RIMBP2: variants seen among roughly 807,000 people sequenced by gnomAD.
RIMBP2 encodes the protein RIMS-binding protein 2.
Under a neutral mutation model 118.6 loss-of-function variants are expected in RIMBP2, and 48 were observed. That is an observed-to-expected ratio of 0.40 (90% CI 0.32 to 0.51). RIMBP2 has a LOEUF of 0.51. Ranked by LOEUF, RIMBP2 falls within the 20% of genes least tolerant of loss-of-function variation. The pLI is 0.41. For missense variants in RIMBP2, 1,551 were observed against 1,768.3 expected, an observed-to-expected ratio of 0.88 and a Z score of 2.20; for synonymous variants, 762 against 742.9, an observed-to-expected ratio of 1.03 and a Z score of -0.42.
chr12:130,569,148 C>T (rs1392123090), intron 2 of RIMBP2, among the ~76,000 whole-genome samples: 2 of 152,192 alleles, frequency 1.3e-5, no homozygotes, highest in Admixed American at 6.5e-5. Context: ...CCACACACTG[C>T]TAGTCCAGGA....
chr12:130,447,586 T>G lies in RIMBP2; in HGVS notation c.582-2317A>C, dbSNP rs1047839573. 6.6e-6 allele frequency among the ~76,000 whole-genome samples: 1 copy of G among 151,862 alleles called. No homozygotes were observed. Among genetic ancestry groups the G allele is most frequent in the African/African-American group, 2.4e-5 (1 of 41,298 alleles). ...ATGGGAATGGGTTCTTGAGGGGCGATGGGAGACCCCCACATGTGGCCGTGG... is the reference window on the plus strand; with the variant it reads ...ATGGGAATGGGTTCTTGAGGGGCGAGGGGAGACCCCCACATGTGGCCGTGG... On this transcript the variant is annotated intron_variant, in intron 9 of 22. Coordinates refer to ENST00000690449, the MANE Select transcript of RIMBP2 (RefSeq NM_001393629.1). The surrounding 1 kb of genome is among the most constrained non-coding windows in gnomAD (Gnocchi z 4.4).
intron 1 of RIMBP2, among the ~76,000 whole-genome samples, chr12:130,646,079 C>T (rs1322245227): frequency 7.3e-6 from 1 of 136,340 alleles, no homozygotes; most frequent in Admixed American, 7.6e-5. Flanking sequence ...CTCCACCTCC[C>T]TCACCACTTC....
chr12:130,558,218 A>T (rs1427091520), intron 2 of RIMBP2, among the ~76,000 whole-genome samples: 2 of 152,166 alleles, frequency 1.3e-5, no homozygotes, highest in Non-Finnish European at 2.9e-5. Context: ...AGCTGACAGC[A>T]TCCACTCAAG....
intron 1 of RIMBP2, among the ~76,000 whole-genome samples, chr12:130,690,099 C>T (rs1419172687): frequency 6.6e-6 from 1 of 152,242 alleles, no homozygotes; most frequent in Non-Finnish European, 1.5e-5. Flanking sequence ...TCTTCAAAGT[C>T]AGCAAGGGCG....
At chr12:130,522,509 T>C (rs1349079014) in intron 2 of RIMBP2, among the ~76,000 whole-genome samples, 2 of 152,156 alleles carry the variant, frequency 1.3e-5, no homozygotes, top group African/African-American at 4.8e-5. Context: ...ATCCAAAACA[T>C]CCCTGTTTGG....
intron 1 of RIMBP2, among the ~76,000 whole-genome samples, chr12:130,714,574 G>A (rs764364590): frequency 2.1e-4 from 32 of 152,224 alleles, no homozygotes; most frequent in Non-Finnish European, 3.8e-4. Context: ...CTCTAGGAAG[G>A]GGCACGGGGG....
intron 4 of RIMBP2, among the ~76,000 whole-genome samples, chr12:130,483,628 A>G (rs532428628): frequency 1.1e-3 from 155 of 146,998 alleles, no homozygotes; most frequent in African/African-American, 1.7e-3. Flanking sequence ...CACAGTGCCC[A>G]GAGCCCCCAC....
Position 130,428,219 on chromosome 12 carries a change from C to T in RIMBP2, c.2372G>A (p.Gly791Glu). 1.9e-6 allele frequency: 3 copies of T among 1,613,202 alleles called. No individual in the cohort carries two copies. The highest frequency in any genetic ancestry group is 2.5e-6 in the Non-Finnish European group (3 of 1,179,582). ...GGACGTGCCGCTGGGCCGCCTCCTT[C>T]CCCCATCTTCCAGCTGCATTTCAGA... is the stretch of plus-strand genomic sequence containing the variant. ...LYSEMQLEDGGRRRPSGTSHN... is the reference protein window; with the variant it reads ...LYSEMQLEDGERRRPSGTSHN... The change falls in exon 15 of 23, where the codon GGA (glycine) becomes GAA (glutamate). Residue 791 changes from glycine to glutamate, a missense_variant. Physicochemically the swap from Gly to Glu is moderately conservative, Grantham distance 98. This residue lies in a region of RIMBP2 where 1,038 missense variants were observed against 1,125.1 expected (regional missense o/e 0.92). Transcript: ENST00000690449.
rs79163842 is a variant in RIMBP2 at position 130,473,694 on chromosome 12, G to A, written c.103-2951C>T. On this transcript the variant is annotated intron_variant, in intron 5 of 22. Coordinates refer to ENST00000690449, the MANE Select transcript of RIMBP2 (RefSeq NM_001393629.1). ...CAAGGACCTTCAAAACAGGAGTTCC[G>A]CAGAGCTGAGGGCTGATGGACATTT... 9.1e-3 allele frequency among the ~76,000 whole-genome samples: 1,379 copies of A among 152,196 alleles called. 19 individuals are homozygous for A. The highest frequency in any genetic ancestry group is 0.032 in the African/African-American group (1,326 of 41,538).
At chr12:130,451,434 C>A (rs984280402) in intron 7 of RIMBP2, 94 bp from the exon 8 acceptor site, 25 of 1,309,254 alleles carry the variant, frequency 1.9e-5, no homozygotes, top group Non-Finnish European at 2.4e-5. Context: ...CCTTTCCCCT[C>A]TTTGACAACA....
chr12:130,411,902 A>C (rs1253392466), intron 19 of RIMBP2, among the ~76,000 whole-genome samples: 1 of 152,168 alleles, frequency 6.6e-6, no homozygotes, highest in Admixed American at 6.5e-5. Flanking sequence ...TTGTCTTTGA[A>C]GTCTGATTTA....
At position 130,424,835 on chromosome 12, in the gene RIMBP2, C is replaced by T. The variant is rs1263995583; in HGVS notation, c.2436G>A (p.Ser812=). ...ALKDCTDHRT[S]EGTFWEQPEF... is the part of the protein sequence containing the mutation. ...CGGGCTGCTCCCAGAAAGTGCCTTC[C>T]GAGGTCCTATGGTCAGTGCAGTCCT... is the stretch of plus-strand genomic sequence containing the variant. The change falls in exon 16 of 23, where the codon TCG becomes TCA. Residue 812 remains serine (S), a synonymous_variant. Coordinates refer to ENST00000690449, the MANE Select transcript of RIMBP2 (RefSeq NM_001393629.1). This position sits in a 1 kb window ranked among gnomAD's most constrained non-coding sequence, Gnocchi z 9.8. 1.4e-5 allele frequency: 17 copies of T among 1,232,486 alleles called. No individual in the cohort carries two copies. Among genetic ancestry groups the T allele is most frequent in the Admixed American group, 4.2e-5 (1 of 23,698 alleles). 76.3% of individuals were successfully genotyped at this position (1,232,486 alleles called of 1,614,324 possible). A position where few individuals can be genotyped will look rare whatever the true frequency, so the allele number is the denominator to read the frequency against.
chr12:130,602,459 T>A (rs1566345510), intron 2 of RIMBP2, among the ~76,000 whole-genome samples: 1 of 152,236 alleles, frequency 6.6e-6, no homozygotes. Context: ...GGAGGTTTCT[T>A]GCATTTGCAA....
At chr12:130,646,305 C>G (rs1178099169) in intron 1 of RIMBP2, among the ~76,000 whole-genome samples, 991 of 95,148 alleles carry the variant, frequency 0.01, 264 homozygotes, top group Admixed American at 0.025. Context: ...CTCTCCACCT[C>G]CCTCACCACT....
At chr12:130,410,244 A>G (rs1341746592) in intron 19 of RIMBP2, among the ~76,000 whole-genome samples, 1 of 152,152 alleles carries the variant, frequency 6.6e-6, no homozygotes, top group Non-Finnish European at 1.5e-5. Context: ...TTTCTTATTG[A>G]TGAGTTTTGA....
Position 130,469,817 on chromosome 12 carries a change from G to A in RIMBP2, c.153+876C>T, listed in dbSNP as rs1414206297. 1.3e-5 allele frequency among the ~76,000 whole-genome samples: 2 copies of A among 152,180 alleles called. No individual in the cohort carries two copies. The highest frequency in any genetic ancestry group is 1.3e-4 in the Admixed American group (2 of 15,290). On this transcript the variant is annotated intron_variant, in intron 6 of 22. Coordinates refer to ENST00000690449, the MANE Select transcript of RIMBP2 (RefSeq NM_001393629.1). The surrounding 1 kb of genome is among the most constrained non-coding windows in gnomAD (Gnocchi z 4.8). ...CTTAAGGGAACATTACCGGGAGGACGCCACCCCAGGGCAGATCCCCTCCGA... is the reference window on the plus strand; with the variant it reads ...CTTAAGGGAACATTACCGGGAGGACACCACCCCAGGGCAGATCCCCTCCGA...
chr12:130,473,905 C>T (rs568277920), intron 5 of RIMBP2, among the ~76,000 whole-genome samples: 3 of 150,900 alleles, frequency 2.0e-5, no homozygotes, highest in Admixed American at 6.6e-5. Flanking sequence ...TAGTATCACA[C>T]GTTACATAAT....
chr12:130,502,911 T>C (rs1475046937), intron 4 of RIMBP2, among the ~76,000 whole-genome samples: 2 of 152,078 alleles, frequency 1.3e-5, no homozygotes, highest in Non-Finnish European at 2.9e-5. Flanking sequence ...TGTACCCCTT[T>C]CCCTTGGTAG....
At chr12:130,493,291 T>C (rs2048817331) in intron 4 of RIMBP2, among the ~76,000 whole-genome samples, 1 of 152,158 alleles carries the variant, frequency 6.6e-6, no homozygotes, top group Non-Finnish European at 1.5e-5. Flanking sequence ...TGCCTTCTTT[T>C]TGTTTTTTGT....
Sources: allele counts gnomAD v4.1 joint callset (sites outside exome capture counted in the v4.1 genomes callset), GRCh38; gene constraint gnomAD v4.1.1; regional missense constraint gnomAD v4.1.1; non-coding constraint Gnocchi (gnomAD v3.1); transcripts MANE v1.5; gene names NCBI Gene and HGNC (gene_info 2026-07-23, HGNC 2026-07-21).